Variants in MDN1 observed in about 807,000 individuals in gnomAD.
MDN1 encodes the protein midasin.
Under a neutral mutation model 669.2 loss-of-function variants are expected in MDN1, and 266 were observed. That is an observed-to-expected ratio of 0.40 (90% CI 0.36 to 0.44). The LOEUF is 0.44. MDN1 is among the 20% of genes least tolerant of loss of function. The pLI is 1.00. For synonymous variants in MDN1, 2,385 were observed against 2,457.1 expected, an observed-to-expected ratio of 0.97 and a Z score of 0.87; for missense variants, 5,940 against 6,754.0, an observed-to-expected ratio of 0.88 and a Z score of 4.22.
chr6:89,740,345 A>G lies in MDN1; in HGVS notation c.4482T>C (p.Ala1494=). 3 of 1,591,092 alleles carry G rather than the reference A, an allele frequency of 1.9e-6. No homozygotes were observed. Among genetic ancestry groups the G allele is most frequent in the Non-Finnish European group, 2.6e-6 (3 of 1,173,816 alleles). The part of the protein sequence containing the change: ...VLEVEKSLVL[A]EKGSPEDKDS... The stretch of plus-strand genomic sequence containing the variant: ...CCTTGTCCTCTGGACTGCCTTTTTC[A>G]GCTAATACCAGAGACTTTTCTACTT... The change falls in exon 32 of 102, where the codon GCT becomes GCC. Residue 1494 remains alanine (A), a synonymous_variant. Transcript: ENST00000369393.
intron 84 of MDN1, among the ~76,000 whole-genome samples, chr6:89,667,205 T>C (rs1486177844): frequency 3.3e-5 from 5 of 152,118 alleles, no homozygotes; most frequent in Admixed American, 1.3e-4. Context: ...ACTAGAAAAG[T>C]AGTATACACT....
chr6:89,664,596 T>A lies in MDN1; in HGVS notation c.14127A>T (p.Lys4709Asn). 6.2e-7 allele frequency: 1 copy of A among 1,612,662 alleles called. No homozygotes were observed. The highest frequency in any genetic ancestry group is 8.5e-7 in the Non-Finnish European group (1 of 1,178,752). The change falls in exon 85 of 102, where the codon AAA (lysine) becomes AAT (asparagine). Residue 4709 changes from lysine (K) to asparagine (N), a missense_variant. Coordinates refer to ENST00000369393, the MANE Select transcript of MDN1 (RefSeq NM_014611.3). ...ATTTTGAATCAGGATCCTCTTTGTC[T>A]TTTTCTTGACCCTTCTGAAATGTAT... ...VEDTFQKGQE[K>N]DKEDPDSKSD...
intron 23 of MDN1, 168 bp downstream of exon 23, chr6:89,751,263 C>A (rs1816931568): frequency 6.2e-6 from 5 of 811,608 alleles, no homozygotes; most frequent in Admixed American, 3.2e-5. Flanking sequence ...CAACTAGAAA[C>A]AAAGTTTTCT....
rs563615185 is a variant in MDN1, at chr6:89,754,679, C to T, written c.2817-449G>A. 4.6e-5 allele frequency among the ~76,000 whole-genome samples: 7 copies of T among 152,174 alleles called. No homozygotes were observed. The East Asian group carries it at 5.8e-4, about 13-fold the overall frequency. ...CAAAACGTTAAAAAGCAGGAGGATACGATGGCCATTACTATTGTCACTACC... is the reference window on the plus strand; with the variant it reads ...CAAAACGTTAAAAAGCAGGAGGATATGATGGCCATTACTATTGTCACTACC... On this transcript the variant is annotated intron_variant, in intron 20 of 101. Coordinates refer to ENST00000369393, the MANE Select transcript of MDN1 (RefSeq NM_014611.3).
At chr6:89,753,015 C>T (rs1292782708) in intron 22 of MDN1, among the ~76,000 whole-genome samples, 5 of 151,928 alleles carry the variant, frequency 3.3e-5, no homozygotes, top group African/African-American at 4.8e-5. Context: ...CCCAGCTACT[C>T]GGGAGGCTGA....
intron 1 of MDN1, among the ~76,000 whole-genome samples, chr6:89,805,518 G>A (rs7741287): frequency 0.15 from 22,457 of 152,076 alleles, 1,930 homozygotes; most frequent in South Asian, 0.21. Flanking sequence ...CTCCAGCCTG[G>A]GTGACAAACA....
In MDN1 at chr6:89,706,210, TA is replaced by T; in HGVS notation, c.8015-19del. 4 of 1,600,506 alleles carry T rather than the reference TA, an allele frequency of 2.5e-6. No individual in the cohort carries two copies. The highest frequency in any genetic ancestry group is 3.4e-6 in the Non-Finnish European group (4 of 1,173,294). On this transcript the variant is annotated intron_variant, in intron 52 of 101. Transcript: ENST00000369393. ...TTCTGGATCTGAGAGTCAACATAAA[TA>T]AAATGAGAACATTTCATCAGATTTA...
At chr6:89,762,752 AAC>A (rs1817620645) in intron 15 of MDN1, among the ~76,000 whole-genome samples, 1 of 152,198 alleles carries the variant, frequency 6.6e-6, no homozygotes, top group East Asian at 1.9e-4. Flanking sequence ...TTATTAGATA[AAC>A]AGTGTTATGA....
At chr6:89,758,457 T>C in intron 18 of MDN1, 106 bp from the exon 19 acceptor site, 1 of 889,780 alleles carries the variant, frequency 1.1e-6, no homozygotes, top group East Asian at 2.6e-5. Context: ...ATCCTTGTCT[T>C]TTCTGAAACC....
chr6:89,706,391 T>C (rs532248179), intron 52 of MDN1, among the ~76,000 whole-genome samples, 199 bp from the exon 53 acceptor site: 2 of 152,322 alleles, frequency 1.3e-5, no homozygotes, highest in Admixed American at 1.3e-4. Context: ...ATCAGAAGTC[T>C]TTCAGATTTT....
At chr6:89,784,260 G>C (rs1351827318) in intron 9 of MDN1, among the ~76,000 whole-genome samples, 1 of 152,004 alleles carries the variant, frequency 6.6e-6, no homozygotes, top group East Asian at 1.9e-4. Context: ...AGATTGCAGT[G>C]AGCCAAGATC....
rs1022281665 is a variant in MDN1, at chr6:89,693,105, G to T, written c.9925C>A (p.His3309Asn). 6.2e-7 allele frequency: 1 copy of T among 1,610,852 alleles called. No homozygotes were observed. The highest frequency in any genetic ancestry group is 1.3e-5 in the African/African-American group (1 of 74,722). Reference protein sequence around the residue: ...RMDRLDNLTCHLLKKQAFRPQ... With the variant: ...RMDRLDNLTCNLLKKQAFRPQ... ...CTAAAGGCCTGTTTCTTCAACAGGT[G>T]ACAGGTTAAATTATCCAGCCGATCC... The change falls in exon 63 of 102, where the codon CAC becomes AAC. Residue 3309 changes from histidine (H) to asparagine (N), a missense_variant. Coordinates refer to ENST00000369393, the MANE Select transcript of MDN1 (RefSeq NM_014611.3).
chr6:89,675,667 C>T (rs948815309), intron 77 of MDN1, 88 bp from the exon 78 acceptor site: 57 of 1,067,942 alleles, frequency 5.3e-5, no homozygotes, highest in Non-Finnish European at 7.4e-5. Context: ...CTACTATAAG[C>T]GTCAGACATG....
chr6:89,669,089 C>T (rs761731), intron 83 of MDN1, among the ~76,000 whole-genome samples: 101,086 of 152,116 alleles, frequency 0.66, 34,037 homozygotes, highest in East Asian at 0.95. Context: ...ATCATTGCAG[C>T]TGCTACGTCT....
intron 67 of MDN1, among the ~76,000 whole-genome samples, 198 bp from the exon 68 acceptor site, chr6:89,687,636 T>C (rs1812106952): frequency 6.6e-6 from 1 of 152,146 alleles, no homozygotes; most frequent in African/African-American, 2.4e-5. Context: ...CAGAGCCAAG[T>C]TTAGAGGCTG....
chr6:89,695,445 A>G lies in MDN1; in HGVS notation c.9771+160T>C, dbSNP rs1812669241. ...CAGGACAACTCTCAAAGGGGAAAAT[A>G]CAGTCTCTAAAACAGACTCCTGGGA... On this transcript the variant is annotated intron_variant, in intron 61 of 101. Coordinates refer to ENST00000369393, the MANE Select transcript of MDN1 (RefSeq NM_014611.3). This position sits in a 1 kb window ranked among gnomAD's most constrained non-coding sequence, Gnocchi z 4.1. Among the ~76,000 whole-genome samples, 1 of 152,190 alleles carries G rather than the reference A, an allele frequency of 6.6e-6. No homozygotes were observed. Among genetic ancestry groups the G allele is most frequent in the Non-Finnish European group, 1.5e-5 (1 of 68,042 alleles).
chr6:89,648,514 T>G (rs1808631349), intron 97 of MDN1, among the ~76,000 whole-genome samples, 185 bp from the exon 98 acceptor site: 2 of 152,154 alleles, frequency 1.3e-5, no homozygotes, highest in South Asian at 4.1e-4. Context: ...GTACCACAAA[T>G]GTTGAAACCT....
intron 55 of MDN1, 78 bp downstream of exon 55, chr6:89,701,480 T>C (rs1813155528): frequency 1.3e-6 from 2 of 1,535,838 alleles, no homozygotes; most frequent in Non-Finnish European, 1.8e-6. Flanking sequence ...TCTTATACAA[T>C]GTCAGTTCCC....
rs375429424 is a variant in MDN1 at position 89,714,579 on chromosome 6, A to G, written c.7033T>C (p.Leu2345=). The change falls in exon 46 of 102, where the codon TTG becomes CTG. Residue 2345 remains leucine, a synonymous_variant. Transcript: ENST00000369393. Reference sequence around the variant, plus strand: ...CTCCGGGTCTCTGTGTGTAAAGCCAAGAGGATGTCACATACACTGTTCCCC... The same window carrying G: ...CTCCGGGTCTCTGTGTGTAAAGCCAGGAGGATGTCACATACACTGTTCCCC... ...LVGNSVCDIL[L]ALHTETRSTV... 2 of 1,613,460 alleles carry G rather than the reference A, an allele frequency of 1.2e-6. No homozygotes were observed. Among genetic ancestry groups the G allele is most frequent in the Non-Finnish European group, 1.7e-6 (2 of 1,179,718 alleles).
Sources: allele counts gnomAD v4.1 joint callset (sites outside exome capture counted in the v4.1 genomes callset), GRCh38; gene constraint gnomAD v4.1.1; non-coding constraint Gnocchi (gnomAD v3.1); transcripts MANE v1.5; gene names NCBI Gene and HGNC (gene_info 2026-07-23, HGNC 2026-07-21).